AGBL4: variants seen among roughly 807,000 people sequenced by gnomAD.
The protein encoded by AGBL4 is cytosolic carboxypeptidase 6.
AGBL4 carries 58 observed loss-of-function variants against 66.4 expected under a neutral mutation model. That is an observed-to-expected ratio of 0.87 (90% CI 0.71 to 1.09). The LOEUF (loss-of-function observed/expected upper bound fraction) is 1.09, where lower values mean the gene tolerates loss of function less well. AGBL4 is among the 50% of genes least tolerant of loss of function. The pLI, the probability that AGBL4 is intolerant of heterozygous loss-of-function variation, is 0.00. For missense variants in AGBL4, 579 were observed against 631.0 expected (o/e 0.92, Z 0.88); for synonymous variants, 234 against 222.9 (o/e 1.05, Z -0.44).
the AGBL4 span, among the ~76,000 whole-genome samples, chr1:48,525,868 G>A: frequency 2.0e-5 from 3 of 152,188 alleles, no homozygotes; most frequent in Admixed American, 6.5e-5. Flanking sequence ...ACTCCCTCTA[G>A]TTAGTGACAT....
At chr1:49,810,973 A>G (rs1645087904) in intron 2 of AGBL4, among the ~76,000 whole-genome samples, 1 of 152,184 alleles carries the variant, frequency 6.6e-6, no homozygotes, top group African/African-American at 2.4e-5. Context: ...AGTATCAAAT[A>G]TATAGGCAAT....
At chr1:48,715,661 T>C (rs1346350590) in intron 6 of AGBL4, among the ~76,000 whole-genome samples, 1 of 150,678 alleles carries the variant, frequency 6.6e-6, no homozygotes, top group Non-Finnish European at 1.5e-5. Context: ...AAGAGTAATT[T>C]AATAACCACA....
chr1:48,750,897 C>A (rs1297807517), intron 6 of AGBL4, among the ~76,000 whole-genome samples: 2 of 152,066 alleles, frequency 1.3e-5, no homozygotes, highest in Non-Finnish European at 2.9e-5. Context: ...CTAAGAATTA[C>A]CCCCCACACT....
chr1:48,878,748 G>A (rs967574762), intron 5 of AGBL4, among the ~76,000 whole-genome samples: 8 of 152,146 alleles, frequency 5.3e-5, no homozygotes, highest in Non-Finnish European at 8.8e-5. Flanking sequence ...TGAATTGCAC[G>A]ATATTGTGGA....
intron 4 of AGBL4, among the ~76,000 whole-genome samples, chr1:49,047,765 C>A (rs1644115822): frequency 6.6e-6 from 1 of 152,014 alleles, no homozygotes; most frequent in Admixed American, 6.6e-5. Flanking sequence ...TTAACCAAGT[C>A]TAGTTTGGTT....
intron 1 of AGBL4, among the ~76,000 whole-genome samples, chr1:49,883,977 A>C (rs1647725565): frequency 1.3e-5 from 2 of 152,056 alleles, no homozygotes; most frequent in South Asian, 4.1e-4. Flanking sequence ...ACCATTAAAA[A>C]TAATGACATT....
At chr1:49,128,306 C>G (rs1282375541) in intron 4 of AGBL4, among the ~76,000 whole-genome samples, 2 of 151,816 alleles carry the variant, frequency 1.3e-5, no homozygotes, top group Non-Finnish European at 2.9e-5. Context: ...ATTATGCTAT[C>G]AATTATCCTA....
At chr1:48,532,665 A>G (rs747995719), downstream of AGBL4, among the ~76,000 whole-genome samples, 4 of 152,210 alleles carry the variant, frequency 2.6e-5, no homozygotes, top group Non-Finnish European at 4.4e-5. Flanking sequence ...GTTGCAGTCA[A>G]TTAAACTCCC....
chr1:49,451,534 G>A (rs966288702), intron 3 of AGBL4, among the ~76,000 whole-genome samples: 1 of 152,104 alleles, frequency 6.6e-6, no homozygotes, highest in African/African-American at 2.4e-5. Flanking sequence ...CTGCCCTAAA[G>A]TAGCAAACAC....
chr1:49,855,593 A>G (rs1337088396), intron 1 of AGBL4, among the ~76,000 whole-genome samples: 2 of 152,232 alleles, frequency 1.3e-5, no homozygotes, highest in East Asian at 1.9e-4. Flanking sequence ...AATGAATAAC[A>G]AGAGGATCTC....
intron 5 of AGBL4, among the ~76,000 whole-genome samples, chr1:48,966,783 T>C (rs920836407): frequency 2.0e-5 from 3 of 152,102 alleles, no homozygotes; most frequent in Non-Finnish European, 4.4e-5. Context: ...TACTCATCCC[T>C]GGATGCTGAA....
chr1:49,258,710 G>C (rs908405627), intron 3 of AGBL4, among the ~76,000 whole-genome samples: 4 of 152,130 alleles, frequency 2.6e-5, no homozygotes, highest in Admixed American at 2.0e-4. Context: ...GGGGAGAATG[G>C]AACCAAGTTG....
chr1:48,841,696 A>G (rs1487390688), intron 6 of AGBL4, among the ~76,000 whole-genome samples: 1 of 152,102 alleles, frequency 6.6e-6, no homozygotes, highest in Non-Finnish European at 1.5e-5. Context: ...GATTTGAACT[A>G]CTACAGATGT....
intron 5 of AGBL4, among the ~76,000 whole-genome samples, chr1:48,967,205 C>A (rs775984850): frequency 6.6e-5 from 10 of 152,052 alleles, no homozygotes; most frequent in Non-Finnish European, 1.3e-4. Flanking sequence ...TGATTGATTT[C>A]ATATGGCCAA....
chr1:48,969,097 C>T (rs1658691840), intron 5 of AGBL4, among the ~76,000 whole-genome samples: 2 of 137,090 alleles, frequency 1.5e-5, no homozygotes, highest in South Asian at 2.8e-4. Flanking sequence ...TCCCTCTCTC[C>T]CTCCCTCCCT....
intron 1 of AGBL4, among the ~76,000 whole-genome samples, chr1:49,986,497 C>T (rs903931850): frequency 2.0e-5 from 3 of 151,998 alleles, no homozygotes; most frequent in Non-Finnish European, 4.4e-5. Flanking sequence ...CTTTGGTGCA[C>T]ATATGTACAT....
chr1:48,721,902 G>C (rs1647156946), intron 6 of AGBL4, among the ~76,000 whole-genome samples: 1 of 152,184 alleles, frequency 6.6e-6, no homozygotes, highest in African/African-American at 2.4e-5. Flanking sequence ...ACTTTTTAAT[G>C]AGTGTGCACT....
At chr1:49,047,938 G>T (rs1644120180) in intron 4 of AGBL4, among the ~76,000 whole-genome samples, 1 of 152,068 alleles carries the variant, frequency 6.6e-6, no homozygotes, top group African/African-American at 2.4e-5. Flanking sequence ...GAACAGACCA[G>T]TGCAAGGATG....
intron 5 of AGBL4, among the ~76,000 whole-genome samples, chr1:49,032,603 G>A (rs1166592202): frequency 4.6e-5 from 7 of 152,122 alleles, no homozygotes; most frequent in Non-Finnish European, 7.4e-5. Flanking sequence ...AGGAGAACTG[G>A]GACATTCTGG....
Sources: allele counts gnomAD v4.1 joint callset (sites outside exome capture counted in the v4.1 genomes callset), GRCh38; gene constraint gnomAD v4.1.1; transcripts MANE v1.5; gene names NCBI Gene and HGNC (gene_info 2026-07-23, HGNC 2026-07-21).